Variants in ROBO2 observed in about 807,000 individuals in gnomAD.
The protein encoded by ROBO2 is roundabout guidance receptor 2, also known as roundabout homolog 2.
A neutral mutation model predicts 160.8 loss-of-function variants in ROBO2; 53 were observed. The ratio of observed to expected loss-of-function variants is 0.33; its 90% CI spans 0.26 to 0.41. The LOEUF (loss-of-function observed/expected upper bound fraction) is 0.41. Among genes scored for constraint, ROBO2 ranks in the 10% least tolerant of loss-of-function variants. The pLI is 1.00. For synonymous variants in ROBO2, 664 were observed against 611.7 expected (o/e 1.09, Z -1.26); for missense variants, 1,577 against 1,722.4 (o/e 0.92, Z 1.49).
intron 1 of ROBO2, among the ~76,000 whole-genome samples, chr3:75,926,684 A>C (rs934726564): frequency 2.0e-5 from 3 of 152,218 alleles, no homozygotes; most frequent in African/African-American, 7.2e-5. Flanking sequence ...GCATTTGATT[A>C]ATCTGAATAA....
At chr3:76,074,929 A>G (rs532258425) in intron 2 of ROBO2, among the ~76,000 whole-genome samples, 3 of 152,314 alleles carry the variant, frequency 2.0e-5, no homozygotes, top group African/African-American at 7.2e-5. Context: ...AGTTGTATAT[A>G]AAGAAAGAAA....
At chr3:77,012,015 G>T (rs1017428073) in intron 2 of ROBO2, among the ~76,000 whole-genome samples, 1 of 151,950 alleles carries the variant, frequency 6.6e-6, no homozygotes, top group African/African-American at 2.4e-5. Flanking sequence ...ATATGTATAT[G>T]TTCATTTGAA....
intron 2 of ROBO2, among the ~76,000 whole-genome samples, chr3:76,698,968 T>C (rs1297589682): frequency 6.6e-6 from 1 of 152,218 alleles, no homozygotes; most frequent in Non-Finnish European, 1.5e-5. Context: ...TAAAAGTATG[T>C]AACATTTTTC....
intron 2 of ROBO2, among the ~76,000 whole-genome samples, chr3:76,087,687 T>G (rs950400647): frequency 6.6e-6 from 1 of 152,036 alleles, no homozygotes; most frequent in African/African-American, 2.4e-5. Context: ...ATGAATTAGA[T>G]TGTTTATACT....
chr3:76,649,314 G>C (rs895831256), intron 2 of ROBO2, among the ~76,000 whole-genome samples: 1 of 152,070 alleles, frequency 6.6e-6, no homozygotes. Context: ...TTGTCCTACA[G>C]ATTAATACTT....
chr3:77,297,281 A>C (rs1037807939), intron 2 of ROBO2, among the ~76,000 whole-genome samples: 2 of 152,088 alleles, frequency 1.3e-5, no homozygotes, highest in African/African-American at 4.8e-5. Flanking sequence ...AGTTAAGCAT[A>C]ATTTTTGAGG....
intron 2 of ROBO2, among the ~76,000 whole-genome samples, chr3:76,129,053 T>C (rs72896515): frequency 0.055 from 8,370 of 151,306 alleles, 476 homozygotes; most frequent in East Asian, 0.15. Context: ...AAGGAGTTTG[T>C]CATTTCAAAA....
chr3:76,973,557 T>C (rs1159521675), intron 2 of ROBO2, among the ~76,000 whole-genome samples: 1 of 152,112 alleles, frequency 6.6e-6, no homozygotes, highest in East Asian at 1.9e-4. Context: ...TCCAACATCT[T>C]ATACCTTATT....
At chr3:77,124,005 A>T (rs1313244162) in intron 2 of ROBO2, among the ~76,000 whole-genome samples, 1 of 151,300 alleles carries the variant, frequency 6.6e-6, no homozygotes, top group African/African-American at 2.4e-5. Flanking sequence ...ATATAGATAT[A>T]TATATGTTCA....
chr3:76,310,186 C>A (rs2071511998), intron 2 of ROBO2, among the ~76,000 whole-genome samples: 1 of 152,174 alleles, frequency 6.6e-6, no homozygotes, highest in African/African-American at 2.4e-5. Flanking sequence ...GGGGCACTGT[C>A]ATGTGTTAAT....
chr3:75,955,930 A>G (rs1948709242), intron 2 of ROBO2, among the ~76,000 whole-genome samples: 1 of 151,806 alleles, frequency 6.6e-6, no homozygotes, highest in Non-Finnish European at 1.5e-5. Context: ...ATATAGTTGT[A>G]TTACAAAAAG....
At chr3:76,304,122 A>G (rs1160323420) in intron 2 of ROBO2, among the ~76,000 whole-genome samples, 1 of 152,230 alleles carries the variant, frequency 6.6e-6, no homozygotes, top group Non-Finnish European at 1.5e-5. Flanking sequence ...CCTGGTACTT[A>G]TGTAACTGTA....
intron 2 of ROBO2, among the ~76,000 whole-genome samples, chr3:76,956,073 C>T (rs753898353): frequency 1.3e-5 from 2 of 152,066 alleles, no homozygotes; most frequent in African/African-American, 2.4e-5. Context: ...CTCTACTTTA[C>T]GCCCTCCAGA....
At chr3:77,433,701 G>A (rs966670184) in intron 2 of ROBO2, among the ~76,000 whole-genome samples, 1 of 151,542 alleles carries the variant, frequency 6.6e-6, no homozygotes, top group Non-Finnish European at 1.5e-5. Context: ...CTGAGCTTCA[G>A]ATCAGGATAC....
chr3:76,953,042 T>G (rs1330382605), intron 2 of ROBO2, among the ~76,000 whole-genome samples: 1 of 152,194 alleles, frequency 6.6e-6, no homozygotes, highest in Non-Finnish European at 1.5e-5. Context: ...AATCCTGATA[T>G]TTTAACAATT....
intron 2 of ROBO2, among the ~76,000 whole-genome samples, chr3:76,091,208 C>A (rs2069216651): frequency 6.6e-6 from 1 of 152,070 alleles, no homozygotes; most frequent in Admixed American, 6.6e-5. Flanking sequence ...TACAGGACTG[C>A]TATCTAAAAT....
At chr3:76,265,751 T>C (rs1707061422) in intron 2 of ROBO2, among the ~76,000 whole-genome samples, 1 of 152,132 alleles carries the variant, frequency 6.6e-6, no homozygotes, top group African/African-American at 2.4e-5. Flanking sequence ...AACCAGAGGT[T>C]GAACAAAGCA....
At chr3:77,445,803 T>G (rs201252993) in intron 2 of ROBO2, among the ~76,000 whole-genome samples, 88 of 149,930 alleles carry the variant, frequency 5.9e-4, no homozygotes, top group Middle Eastern at 7.1e-3. Context: ...TGTTTTTTTT[T>G]TTTTTTTTGC....
At chr3:76,909,568 A>AT (rs1024949531) in intron 2 of ROBO2, among the ~76,000 whole-genome samples, 7 of 152,050 alleles carry the variant, frequency 4.6e-5, no homozygotes, top group Admixed American at 3.9e-4. Context: ...AAAAATAATA[A>AT]TTTTTTCAAA....
Sources: gnomAD v4.1 joint callset for allele counts (sites outside exome capture counted in the v4.1 genomes callset) on GRCh38, gnomAD v4.1.1 for gene constraint, MANE v1.5 for transcripts, NCBI Gene and HGNC (gene_info 2026-07-23, HGNC 2026-07-21) for gene names.